Variants in TXLNB observed in about 807,000 individuals in gnomAD.
TXLNB encodes beta-taxilin.
Under a neutral mutation model 57.4 loss-of-function variants are expected in TXLNB, and 37 were observed. That is an observed-to-expected ratio of 0.64 (90% CI 0.50 to 0.85). The LOEUF (loss-of-function observed/expected upper bound fraction) is 0.85, where lower values mean the gene tolerates loss of function less well. Ranked by LOEUF, TXLNB falls within the 40% of genes least tolerant of loss-of-function variation. TXLNB has a pLI of 0.00. For missense variants in TXLNB, 848 were observed against 825.6 expected, an observed-to-expected ratio of 1.03 and a Z score of -0.33; for synonymous variants, 302 against 309.6, an observed-to-expected ratio of 0.98 and a Z score of 0.26.
chr6:139,233,894 T>C, the TXLNB span, among the ~76,000 whole-genome samples: 3 of 152,202 alleles, frequency 2.0e-5, no homozygotes, highest in African/African-American at 7.2e-5. Context: ...TCGGAAGATG[T>C]GGGAAAGTTT....
chr6:139,309,654 G>A, the TXLNB span, among the ~76,000 whole-genome samples: 1 of 152,182 alleles, frequency 6.6e-6, no homozygotes, highest in African/African-American at 2.4e-5. Flanking sequence ...GCCAGGCACA[G>A]TGGCTCATAC....
the TXLNB span, among the ~76,000 whole-genome samples, chr6:139,190,689 T>C: frequency 6.6e-6 from 1 of 152,202 alleles, no homozygotes; most frequent in African/African-American, 2.4e-5. Context: ...CTTGGACTTC[T>C]AAGGGCACCA....
chr6:139,280,894 A>T (rs1777030959), intron 2 of TXLNB, among the ~76,000 whole-genome samples: 1 of 152,198 alleles, frequency 6.6e-6, no homozygotes, highest in Admixed American at 6.5e-5. Flanking sequence ...CATGAGATAA[A>T]TAATTCCTGA....
the TXLNB span, among the ~76,000 whole-genome samples, chr6:139,233,646 C>T: frequency 1.3e-5 from 2 of 151,956 alleles, no homozygotes; most frequent in Non-Finnish European, 2.9e-5. Context: ...TCTTCTTCAC[C>T]TTCTGCCATG....
At chr6:139,195,373 T>C in the TXLNB span, among the ~76,000 whole-genome samples, 8 of 152,340 alleles carry the variant, frequency 5.3e-5, no homozygotes, top group East Asian at 1.3e-3. Context: ...CCTAGGCCCA[T>C]GTAAGATGTC....
At chr6:139,312,788 C>T in the TXLNB span, among the ~76,000 whole-genome samples, 4 of 152,214 alleles carry the variant, frequency 2.6e-5, no homozygotes, top group East Asian at 7.7e-4. Context: ...AGGAAATATC[C>T]ATGTGAGGGT....
intron 5 of TXLNB, among the ~76,000 whole-genome samples, chr6:139,260,984 C>G (rs532138678): frequency 6.6e-6 from 1 of 152,324 alleles, no homozygotes; most frequent in South Asian, 2.1e-4. Flanking sequence ...GAATTCTACT[C>G]TGTTGCTCTG....
the TXLNB span, among the ~76,000 whole-genome samples, chr6:139,196,507 T>C: frequency 6.6e-6 from 1 of 151,642 alleles, no homozygotes; most frequent in Non-Finnish European, 1.5e-5. Context: ...CCCTAGTAGC[T>C]GGGATTACAG....
At chr6:139,283,572 G>A (rs541114571) in intron 2 of TXLNB, among the ~76,000 whole-genome samples, 8 of 118,856 alleles carry the variant, frequency 6.7e-5, no homozygotes, top group East Asian at 2.4e-4. Flanking sequence ...GCGAAACTCC[G>A]TCTCAAAAAA....
intron 2 of TXLNB, among the ~76,000 whole-genome samples, chr6:139,287,465 C>T (rs1777202604): frequency 6.6e-6 from 1 of 152,202 alleles, no homozygotes; most frequent in African/African-American, 2.4e-5. Flanking sequence ...CCAGTTCTGA[C>T]TCCAATGCTC....
chr6:139,250,476 C>A (rs1480850710), intron 7 of TXLNB, among the ~76,000 whole-genome samples: 1 of 151,466 alleles, frequency 6.6e-6, no homozygotes, highest in Non-Finnish European at 1.5e-5. Flanking sequence ...GGGTTAGCTC[C>A]TGGGGACTGG....
chr6:139,283,841 T>C (rs1445809294), intron 2 of TXLNB, among the ~76,000 whole-genome samples: 1 of 145,828 alleles, frequency 6.9e-6, no homozygotes, highest in Non-Finnish European at 1.5e-5. Context: ...ATAAATACAA[T>C]GATTAAAGAC....
the TXLNB span, among the ~76,000 whole-genome samples, chr6:139,310,153 G>C: frequency 6.6e-6 from 1 of 152,144 alleles, no homozygotes; most frequent in East Asian, 1.9e-4. Flanking sequence ...GAAAACCTCT[G>C]TCCAGCAAAG....
the TXLNB span, among the ~76,000 whole-genome samples, chr6:139,160,954 C>CA: frequency 6.6e-6 from 1 of 152,160 alleles, no homozygotes; most frequent in African/African-American, 2.4e-5. Flanking sequence ...TGCTCAATGT[C>CA]AAACAACTAA....
the TXLNB span, among the ~76,000 whole-genome samples, chr6:139,208,316 C>G: frequency 3.3e-5 from 5 of 151,852 alleles, no homozygotes; most frequent in Non-Finnish European, 7.4e-5. Context: ...AAATTACCAA[C>G]AAAAAAAGTA....
the TXLNB span, among the ~76,000 whole-genome samples, chr6:139,201,494 T>A: frequency 6.6e-6 from 1 of 152,236 alleles, no homozygotes; most frequent in Non-Finnish European, 1.5e-5. Flanking sequence ...TGTTTTTTTT[T>A]TGTTCCTGCT....
the TXLNB span, among the ~76,000 whole-genome samples, chr6:139,175,713 C>T: frequency 6.6e-6 from 1 of 152,176 alleles, no homozygotes; most frequent in Admixed American, 6.5e-5. Flanking sequence ...GTGTCACAGC[C>T]ATGACTGCAC....
At chr6:139,253,997 C>G (rs1262531228) in intron 7 of TXLNB, among the ~76,000 whole-genome samples, 1 of 152,070 alleles carries the variant, frequency 6.6e-6, no homozygotes, top group Admixed American at 6.6e-5. Context: ...AGTCAGCCAC[C>G]CACCCTACAC....
the TXLNB span, among the ~76,000 whole-genome samples, chr6:139,207,803 C>T: frequency 4.6e-5 from 7 of 152,222 alleles, no homozygotes; most frequent in East Asian, 3.9e-4. Flanking sequence ...GGGCCAGGCG[C>T]GGTGGCTCAC....
Sources: gnomAD v4.1 joint callset for allele counts (sites outside exome capture counted in the v4.1 genomes callset) on GRCh38, gnomAD v4.1.1 for gene constraint, MANE v1.5 for transcripts, NCBI Gene and HGNC (gene_info 2026-07-23, HGNC 2026-07-21) for gene names.